The following FAM124A variants were observed in gnomAD, a reference collection of about 807,000 sequenced individuals.
The protein encoded by FAM124A is protein FAM124A.
Under a neutral mutation model 24.5 loss-of-function variants are expected in FAM124A, and 23 were observed. The observed-to-expected ratio is 0.94, with a 90% CI of 0.68 to 1.33. The LOEUF is 1.33. Ranked by LOEUF, FAM124A falls within the 40% of genes most tolerant of loss-of-function variation. FAM124A has a pLI of 0.00. For synonymous variants in FAM124A, 287 were observed against 314.7 expected (o/e 0.91, Z 0.93); for missense variants, 623 against 722.8 (o/e 0.86, Z 1.58).
Position 51,259,601 on chromosome 13 carries a change from G to A in FAM124A, c.834+7400G>A, listed in dbSNP as rs139773838. 3.3e-3 allele frequency among the ~76,000 whole-genome samples: 503 copies of A among 152,254 alleles called. 2 individuals carry two copies. The highest frequency in any genetic ancestry group is 0.011 in the African/African-American group (469 of 41,544). The stretch of plus-strand genomic sequence containing the variant: ...CCTGGAGGCTCACTGAGATCTGTGG[G>A]AAGAATGGTCGGTCTTCCCGCAGTG... On this transcript the variant is annotated intron_variant, in intron 3 of 3. Transcript: ENST00000322475.
In FAM124A at chr13:51,251,256, C is replaced by G. The variant is rs575024626; in HGVS notation, c.101-212C>G. ...CCCTGTCCAGCTTAGAAACTATTCACGTAGCAACAGCCCTTTCCTCTTTGG... is the reference window on the plus strand; with the variant it reads ...CCCTGTCCAGCTTAGAAACTATTCAGGTAGCAACAGCCCTTTCCTCTTTGG... On this transcript the variant is annotated intron_variant, in intron 2 of 3. Coordinates refer to ENST00000322475, the MANE Select transcript of FAM124A (RefSeq NM_001242312.2). This position sits in a 1 kb window ranked among gnomAD's most constrained non-coding sequence, Gnocchi z 5.3. Among the ~76,000 whole-genome samples, 5 of 152,194 alleles carry G rather than the reference C, an allele frequency of 3.3e-5. No individual in the cohort carries two copies. The highest frequency in any genetic ancestry group is 7.4e-5 in the Non-Finnish European group (5 of 68,024).
At chr13:51,232,766 G>T (rs564456644) in intron 2 of FAM124A, among the ~76,000 whole-genome samples, 3 of 152,090 alleles carry the variant, frequency 2.0e-5, no homozygotes, top group Non-Finnish European at 2.9e-5. Context: ...ACTCAGTTTT[G>T]CCCAGAGGCT....
chr13:51,261,881 A>T (rs1379565752), intron 3 of FAM124A, among the ~76,000 whole-genome samples: 1 of 152,254 alleles, frequency 6.6e-6, no homozygotes, highest in African/African-American at 2.4e-5. Context: ...GGAGCTGCTC[A>T]GGTCAGCAAA....
At chr13:51,278,916 C>T (rs1015933005) in intron 3 of FAM124A, among the ~76,000 whole-genome samples, 2 of 152,232 alleles carry the variant, frequency 1.3e-5, no homozygotes, top group Non-Finnish European at 1.5e-5. Context: ...GCATTCCTTG[C>T]ATGGGAACCT....
chr13:51,264,891 A>ACCCT (rs1954770240), intron 3 of FAM124A, among the ~76,000 whole-genome samples: 1 of 152,236 alleles, frequency 6.6e-6, no homozygotes, highest in South Asian at 2.1e-4. Flanking sequence ...GATGCTAAGA[A>ACCCT]TCATTTTTCC....
At position 51,282,296 on chromosome 13, in the gene FAM124A, C is replaced by T. The variant is rs1214334724; in HGVS notation, c.*1040C>T. 1 of 152,180 alleles carries T rather than the reference C, an allele frequency of 6.6e-6. No homozygotes were observed. Among genetic ancestry groups the T allele is most frequent in the Non-Finnish European group, 1.5e-5 (1 of 68,032 alleles). The allele number at this position is 152,180 out of a possible 1,614,324, so 9.4% of individuals were successfully genotyped here. A position where few individuals can be genotyped will look rare whatever the true frequency, so the allele number is the denominator to read the frequency against. On this transcript the variant is annotated 3_prime_UTR_variant, in exon 4 of 4. Transcript: ENST00000322475. ...CACACAGATTAATAATGCTGTTCTC[C>T]CCAAAACGGGAAACTTTACCTGAAA...
At chr13:51,226,712 T>G (rs1954318842) in intron 1 of FAM124A, among the ~76,000 whole-genome samples, 1 of 152,176 alleles carries the variant, frequency 6.6e-6, no homozygotes, top group Non-Finnish European at 1.5e-5. Flanking sequence ...CTGATTATCC[T>G]TTCAGTGGCA....
chr13:51,222,702 C>G (rs983612180), intron 1 of FAM124A, 133 bp downstream of exon 1: 1 of 945,716 alleles, frequency 1.1e-6, no homozygotes. Flanking sequence ...CCGGATCCCC[C>G]GCTCTCTCCT....
At chr13:51,269,619 G>A (rs1954820700) in intron 3 of FAM124A, among the ~76,000 whole-genome samples, 1 of 152,156 alleles carries the variant, frequency 6.6e-6, no homozygotes, top group Non-Finnish European at 1.5e-5. Context: ...TACATTAAAT[G>A]TATAAATGAA....
intron 2 of FAM124A, among the ~76,000 whole-genome samples, chr13:51,235,110 G>T (rs550034910): frequency 6.6e-6 from 1 of 152,248 alleles, no homozygotes; most frequent in East Asian, 1.9e-4. Context: ...GTTGCAACGG[G>T]TTCATTTGCC....
At chr13:51,228,725 G>A (rs924867576) in intron 1 of FAM124A, among the ~76,000 whole-genome samples, 2 of 152,124 alleles carry the variant, frequency 1.3e-5, no homozygotes, top group African/African-American at 2.4e-5. Flanking sequence ...TTCAAGCTTT[G>A]TAGTTTGTCT....
chr13:51,243,710 A>G (rs1954526631), intron 2 of FAM124A, among the ~76,000 whole-genome samples: 1 of 151,814 alleles, frequency 6.6e-6, no homozygotes, highest in African/African-American at 2.4e-5. Flanking sequence ...ATTTTTTTGT[A>G]TTTTTAGTAG....
intron 1 of FAM124A, among the ~76,000 whole-genome samples, chr13:51,230,441 A>G (rs912382235): frequency 7.9e-5 from 12 of 152,210 alleles, no homozygotes; most frequent in African/African-American, 2.9e-4. Flanking sequence ...AATTAAACAT[A>G]ATTAAGCAGT....
chr13:51,264,289 C>T (rs1273503045), intron 3 of FAM124A, among the ~76,000 whole-genome samples: 3 of 152,230 alleles, frequency 2.0e-5, no homozygotes, highest in Non-Finnish European at 2.9e-5. Context: ...CACCCCCTCT[C>T]CCTGCCAGTT....
intron 1 of FAM124A, among the ~76,000 whole-genome samples, chr13:51,229,359 C>T (rs1954349938): frequency 6.6e-6 from 1 of 152,206 alleles, no homozygotes; most frequent in South Asian, 2.1e-4. Flanking sequence ...TCGGCGGGCC[C>T]AACCCGGTGG....
intron 3 of FAM124A, among the ~76,000 whole-genome samples, chr13:51,269,563 T>G (rs1349677936): frequency 6.6e-6 from 1 of 152,246 alleles, no homozygotes; most frequent in Non-Finnish European, 1.5e-5. Context: ...ACTTTAAAGA[T>G]TTTGTTTATG....
At chr13:51,224,895 C>G (rs1387402313) in intron 1 of FAM124A, among the ~76,000 whole-genome samples, 1 of 152,060 alleles carries the variant, frequency 6.6e-6, no homozygotes, top group Non-Finnish European at 1.5e-5. Flanking sequence ...TTGTATTTTT[C>G]TGTTTCCTCG....
intron 3 of FAM124A, among the ~76,000 whole-genome samples, chr13:51,271,511 G>T (rs1467068118): frequency 6.6e-6 from 1 of 152,130 alleles, no homozygotes; most frequent in Non-Finnish European, 1.5e-5. Context: ...GTTGGCCCTT[G>T]TCCGGCTGCA....
At chr13:51,249,081 C>T (rs1270700591) in intron 2 of FAM124A, among the ~76,000 whole-genome samples, 1 of 152,160 alleles carries the variant, frequency 6.6e-6, no homozygotes, top group Non-Finnish European at 1.5e-5. Flanking sequence ...TCCCAGAATT[C>T]CCCACGGCCC....
Sources: allele counts gnomAD v4.1 joint callset (sites outside exome capture counted in the v4.1 genomes callset), GRCh38; gene constraint gnomAD v4.1.1; non-coding constraint Gnocchi (gnomAD v3.1); transcripts MANE v1.5; gene names NCBI Gene and HGNC (gene_info 2026-07-23, HGNC 2026-07-21).